RPE: variants seen among roughly 807,000 people sequenced by gnomAD.
RPE encodes the protein ribulose-phosphate 3-epimerase.
Under a neutral mutation model 24.6 loss-of-function variants are expected in RPE, and 16 were observed. That is an observed-to-expected ratio of 0.65 (90% CI 0.44 to 0.99). The LOEUF is 0.99. RPE is among the 50% of genes least tolerant of loss of function. The pLI, the probability that RPE is intolerant of heterozygous loss-of-function variation, is 0.00. For synonymous variants in RPE, 93 were observed against 98.4 expected, an observed-to-expected ratio of 0.94 and a Z score of 0.33; for missense variants, 240 against 294.5, an observed-to-expected ratio of 0.81 and a Z score of 1.35.
chr2:210,005,475 A>T lies in RPE; in HGVS notation c.122+2692A>T, dbSNP rs541527552. On this transcript the variant is annotated intron_variant, in intron 1 of 5. Coordinates refer to ENST00000359429, the MANE Select transcript of RPE (RefSeq NM_199229.3). ...ACAAGTGGATTCTCTGGGGGAAAAA[A>T]ACCCTAGAAAACACATAAATGCATC... Among the ~76,000 whole-genome samples the T allele has an allele frequency of 2.6e-5, 4 of 152,180 alleles. No homozygotes were observed. In the East Asian group the frequency reaches 7.7e-4, roughly 29 times the overall value.
chr2:210,013,702 A>G (rs1263843239), intron 2 of RPE, among the ~76,000 whole-genome samples: 2 of 152,136 alleles, frequency 1.3e-5, no homozygotes, highest in Non-Finnish European at 1.5e-5. Context: ...GGTCTTTAAT[A>G]ATTTTTAAGA....
intron 5 of RPE, 69 bp downstream of exon 5, chr2:210,017,628 G>A: frequency 7.0e-7 from 1 of 1,426,378 alleles, no homozygotes; most frequent in Non-Finnish European, 9.8e-7. Flanking sequence ...ATTGTCTCAT[G>A]GGCCAGCGAT....
chr2:210,013,363 G>A (rs1008180647), intron 2 of RPE, among the ~76,000 whole-genome samples: 13 of 148,398 alleles, frequency 8.8e-5, no homozygotes, highest in South Asian at 4.3e-4. Flanking sequence ...AGGCTAGAGT[G>A]CAGTGGTGGC....
chr2:210,016,760 C>A, intron 4 of RPE, 119 bp downstream of exon 4: 1 of 1,370,552 alleles, frequency 7.3e-7, no homozygotes, highest in Non-Finnish European at 1.0e-6. Context: ...GATGGGGATG[C>A]TTACAGATCA....
intron 1 of RPE, among the ~76,000 whole-genome samples, chr2:210,006,740 C>T (rs1235687467): frequency 1.3e-5 from 2 of 152,228 alleles, no homozygotes; most frequent in Non-Finnish European, 2.9e-5. Flanking sequence ...ATAGGCCTTA[C>T]TGCCTGCTTC....
At chr2:210,010,839 A>G (rs2093689893) in intron 2 of RPE, among the ~76,000 whole-genome samples, 1 of 152,050 alleles carries the variant, frequency 6.6e-6, no homozygotes, top group African/African-American at 2.4e-5. Context: ...AATCACTTGA[A>G]CCTGGGAGGT....
chr2:210,010,610 C>A lies in RPE; in HGVS notation c.202+874C>A, dbSNP rs186250584. ...CTTACAATTTAGTAGAACTTAGATTCTTTTTAATCAGCATATTGCTGACCA... is the reference window on the plus strand; with the variant it reads ...CTTACAATTTAGTAGAACTTAGATTATTTTTAATCAGCATATTGCTGACCA... On this transcript the variant is annotated intron_variant, in intron 2 of 5. Transcript: ENST00000359429. Among the ~76,000 whole-genome samples the A allele has an allele frequency of 5.9e-5, 9 of 152,224 alleles. No individual in the cohort carries two copies. The East Asian group carries it at 1.7e-3, about 29-fold the overall frequency.
Position 210,016,666 on chromosome 2 carries a change from G to A in RPE, c.477+25G>A, listed in dbSNP as rs372996961. 1.2e-5 allele frequency: 20 copies of A among 1,614,072 alleles called. No homozygotes were observed. The African/African-American group carries it at 2.3e-4, about 18-fold the overall frequency. On this transcript the variant is annotated intron_variant, in intron 4 of 5. Coordinates refer to ENST00000359429, the MANE Select transcript of RPE (RefSeq NM_199229.3). ...GGTAAAAGAAGTATTTGATTTTGGG[G>A]TGAGGCTTTTACAGTGTGTTCATTC...
intron 5 of RPE, chr2:210,018,749 C>T (rs767429962): frequency 9.4e-5 from 91 of 965,124 alleles, no homozygotes; most frequent in East Asian, 1.1e-4. Context: ...CAGACCTTGG[C>T]GATGACCTTA....
chr2:210,019,643 ATAACC>A, intron 5 of RPE, 21 bp from the exon 6 acceptor site: 1 of 1,608,012 alleles, frequency 6.2e-7, no homozygotes. Context: ...CCTTTGAGGC[ATAACC>A]TAACTGTTTA....
At position 210,021,017 on chromosome 2, in the gene RPE, A is replaced by G. The variant is rs1032433420; in HGVS notation, c.*1226A>G. The G allele has an allele frequency of 6.6e-6, 1 of 152,134 alleles. No individual in the cohort carries two copies. The highest frequency in any genetic ancestry group is 2.4e-5 in the African/African-American group (1 of 41,458). 9.4% of individuals were successfully genotyped at this position (152,134 alleles called of 1,614,324 possible). A position where few individuals can be genotyped will look rare whatever the true frequency, so the allele number is the denominator to read the frequency against. ...AGATGGCTGAGAAAATTCTGGAACT[A>G]TGGATCTTGACCCCAAGGATATATT... On this transcript the variant is annotated 3_prime_UTR_variant, in exon 6 of 6. Transcript: ENST00000359429.
At chr2:210,007,664 A>G (rs1046185962) in intron 1 of RPE, among the ~76,000 whole-genome samples, 9 of 152,000 alleles carry the variant, frequency 5.9e-5, no homozygotes, top group Admixed American at 2.0e-4. Context: ...ATCTTTATAA[A>G]TCCTATTTTG....
In RPE at chr2:210,002,681, T is replaced by C. The variant is rs951706542; in HGVS notation, c.20T>C (p.Ile7Thr). MASGCK[I>T]GPSILNSDLA... is the part of the protein sequence containing the mutation. ...AGCGGTATGGCGTCGGGCTGCAAGATTGGCCCGTCCATCCTCAACAGCGAC... is the reference window on the plus strand; with the variant it reads ...AGCGGTATGGCGTCGGGCTGCAAGACTGGCCCGTCCATCCTCAACAGCGAC... Residue 7 changes from isoleucine to threonine, a missense_variant, in exon 1 of 6, where the codon ATT becomes ACT. Ile to Thr is a moderately conservative substitution (Grantham distance 89). Coordinates refer to ENST00000359429, the MANE Select transcript of RPE (RefSeq NM_199229.3). The C allele has an allele frequency of 1.5e-5, 25 of 1,613,734 alleles. No individual in the cohort carries two copies. Among genetic ancestry groups the C allele is most frequent in the African/African-American group, 2.7e-5 (2 of 74,934 alleles).
chr2:210,018,060 T>TA (rs2093803178), intron 5 of RPE: 1 of 1,338,200 alleles, frequency 7.5e-7, no homozygotes. Flanking sequence ...GTGGATATTC[T>TA]AAAATCACAT....
chr2:210,009,809 C>T, intron 2 of RPE, 73 bp downstream of exon 2: 1 of 1,594,484 alleles, frequency 6.3e-7, no homozygotes, highest in African/African-American at 1.3e-5. Flanking sequence ...TTGATTTTAA[C>T]TTCCAAGTTC....
intron 1 of RPE, among the ~76,000 whole-genome samples, chr2:210,006,620 T>C (rs1304730057): frequency 1.3e-5 from 2 of 152,228 alleles, no homozygotes; most frequent in Non-Finnish European, 2.9e-5. Flanking sequence ...ATTTTCATAA[T>C]AAATGAAACC....
At chr2:210,008,123 G>T (rs940495040) in intron 1 of RPE, among the ~76,000 whole-genome samples, 5 of 152,118 alleles carry the variant, frequency 3.3e-5, no homozygotes, top group African/African-American at 1.2e-4. Context: ...TGACTGAGTT[G>T]ACATCCCACT....
chr2:210,004,238 A>T (rs1217908322), intron 1 of RPE, among the ~76,000 whole-genome samples: 1 of 152,204 alleles, frequency 6.6e-6, no homozygotes, highest in Non-Finnish European at 1.5e-5. Flanking sequence ...TGTTTGAGTA[A>T]GTTAATGGTT....
chr2:210,008,769 C>G (rs567087255), intron 1 of RPE, among the ~76,000 whole-genome samples: 1 of 152,244 alleles, frequency 6.6e-6, no homozygotes, highest in African/African-American at 2.4e-5. Context: ...GATCTTGGCT[C>G]ACTGCACCCT....
Sources: gnomAD v4.1 joint callset for allele counts (sites outside exome capture counted in the v4.1 genomes callset) on GRCh38, gnomAD v4.1.1 for gene constraint, MANE v1.5 for transcripts, NCBI Gene and HGNC (gene_info 2026-07-23, HGNC 2026-07-21) for gene names.